TMPRSS11E: variants seen among roughly 807,000 people sequenced by gnomAD.
TMPRSS11E encodes transmembrane protease serine 11E.
In TMPRSS11E, 38 loss-of-function variants were observed where a neutral mutation model predicts 48.1. That is an observed-to-expected ratio of 0.79 (90% CI 0.61 to 1.04). TMPRSS11E has a LOEUF of 1.04. Ranked by LOEUF, TMPRSS11E falls within the 50% of genes least tolerant of loss-of-function variation. The pLI, the probability that TMPRSS11E is intolerant of heterozygous loss-of-function variation, is 0.00. For synonymous variants in TMPRSS11E, 158 were observed against 171.9 expected (o/e 0.92, Z 0.63); for missense variants, 530 against 510.8 (o/e 1.04, Z -0.36).
At chr4:68,473,669 T>C (rs778832052) in intron 5 of TMPRSS11E, among the ~76,000 whole-genome samples, 1 of 152,040 alleles carries the variant, frequency 6.6e-6, no homozygotes. Flanking sequence ...CACAAGGCCA[T>C]TGTGAGTGTG....
At chr4:68,450,898 G>A (rs1182295356) in intron 1 of TMPRSS11E, among the ~76,000 whole-genome samples, 1 of 151,936 alleles carries the variant, frequency 6.6e-6, no homozygotes, top group Admixed American at 6.6e-5. Context: ...ATATTTCATG[G>A]AACTAATTCA....
At chr4:68,495,886 AGAGT>A (rs1190461657) in intron 9 of TMPRSS11E, among the ~76,000 whole-genome samples, 3 of 152,290 alleles carry the variant, frequency 2.0e-5, no homozygotes, top group Middle Eastern at 3.4e-3. Context: ...AGAACTTCAT[AGAGT>A]GAGTATGAAT....
intron 1 of TMPRSS11E, among the ~76,000 whole-genome samples, chr4:68,458,576 A>G (rs1260444634): frequency 6.6e-6 from 1 of 152,198 alleles, no homozygotes; most frequent in Non-Finnish European, 1.5e-5. Context: ...GGAGGAGGTT[A>G]ATTATACAAA....
chr4:68,471,497 A>G lies in TMPRSS11E; in HGVS notation c.364A>G (p.Ile122Val). The G allele has an allele frequency of 6.3e-7, 1 of 1,594,654 alleles. No individual in the cohort carries two copies. Among genetic ancestry groups the G allele is most frequent in the Non-Finnish European group, 8.5e-7 (1 of 1,172,760 alleles). ...KHGVLAHMLLICRFHSTEDPE... is the reference protein window; with the variant it reads ...KHGVLAHMLLVCRFHSTEDPE... ...TGGAGTGTTGGCTCATATGCTGTTG[A>G]TTTGTAGATTTCACTCTACTGAGGA... Residue 122 changes from isoleucine (I) to valine (V), a missense_variant, in exon 5 of 10, where the codon ATT (isoleucine) becomes GTT (valine). Coordinates refer to ENST00000305363, the MANE Select transcript of TMPRSS11E (RefSeq NM_014058.4).
chr4:68,489,496 TG>T (rs2109718592), intron 9 of TMPRSS11E, among the ~76,000 whole-genome samples: 1 of 152,098 alleles, frequency 6.6e-6, no homozygotes, highest in African/African-American at 2.4e-5. Context: ...GTGCTGGTGG[TG>T]GGGCAGTGAT....
At chr4:68,474,870 G>C in intron 6 of TMPRSS11E, 109 bp downstream of exon 6, 2 of 890,088 alleles carry the variant, frequency 2.2e-6, no homozygotes, top group Non-Finnish European at 3.5e-6. Flanking sequence ...AACACATAAA[G>C]TTTGATTAAT....
intron 9 of TMPRSS11E, among the ~76,000 whole-genome samples, chr4:68,490,226 T>C (rs1460351492): frequency 6.6e-6 from 1 of 152,198 alleles, no homozygotes; most frequent in Non-Finnish European, 1.5e-5. Flanking sequence ...CAATGCCTTC[T>C]TTCTGAAAAT....
intron 5 of TMPRSS11E, 119 bp downstream of exon 5, chr4:68,471,742 A>G: frequency 4.6e-6 from 3 of 655,496 alleles, no homozygotes; most frequent in East Asian, 6.2e-5. Flanking sequence ...CACCAACAGT[A>G]TATTTCTTTG....
intron 1 of TMPRSS11E, among the ~76,000 whole-genome samples, chr4:68,449,884 A>G (rs772998063): frequency 2.0e-5 from 3 of 151,948 alleles, no homozygotes; most frequent in Non-Finnish European, 2.9e-5. Flanking sequence ...AAGAGTACTC[A>G]TTTATGCAAC....
Position 68,496,734 on chromosome 4 carries a change from C to A in TMPRSS11E, c.1202C>A (p.Pro401His). 1 of 1,613,590 alleles carries A rather than the reference C, an allele frequency of 6.2e-7. No individual in the cohort carries two copies. The highest frequency in any genetic ancestry group is 8.5e-7 in the Non-Finnish European group (1 of 1,179,628). ...IVSWGDECAKPNKPGVYTRVT... is the reference protein window; with the variant it reads ...IVSWGDECAKHNKPGVYTRVT... ...AGCTGGGGAGATGAATGTGCGAAAC[C>A]CAACAAGCCTGGTGTTTATACTAGA... is the stretch of plus-strand genomic sequence containing the variant. The change falls in exon 10 of 10, where the codon CCC (proline) becomes CAC (histidine). Residue 401 changes from proline to histidine, a missense_variant. Physicochemically the swap from Pro to His is moderately conservative, Grantham distance 77 (BLOSUM62 -2). Transcript: ENST00000305363.
At chr4:68,490,039 C>T (rs1729672401) in intron 9 of TMPRSS11E, among the ~76,000 whole-genome samples, 1 of 152,204 alleles carries the variant, frequency 6.6e-6, no homozygotes, top group Admixed American at 6.5e-5. Context: ...GGGTCTCCTG[C>T]AGCTAAGATT....
intron 1 of TMPRSS11E, among the ~76,000 whole-genome samples, chr4:68,456,624 C>A (rs929073069): frequency 6.6e-6 from 1 of 151,960 alleles, no homozygotes; most frequent in East Asian, 1.9e-4. Flanking sequence ...TAAAACACAT[C>A]TCAAATACTT....
intron 1 of TMPRSS11E, among the ~76,000 whole-genome samples, chr4:68,459,356 T>C (rs929106922): frequency 1.1e-4 from 16 of 152,218 alleles, no homozygotes; most frequent in African/African-American, 3.9e-4. Flanking sequence ...TCGCTCTCTT[T>C]TTTTTAATTC....
At chr4:68,467,887 C>A (rs1301870652) in intron 3 of TMPRSS11E, among the ~76,000 whole-genome samples, 2 of 152,066 alleles carry the variant, frequency 1.3e-5, no homozygotes, top group African/African-American at 4.8e-5. Flanking sequence ...GTTCTTTGTG[C>A]CATTCATTCA....
At chr4:68,484,065 T>A (rs2109710198) in intron 9 of TMPRSS11E, among the ~76,000 whole-genome samples, 1 of 152,340 alleles carries the variant, frequency 6.6e-6, no homozygotes, top group South Asian at 2.1e-4. Flanking sequence ...TGAAGTCTGG[T>A]AGTGTGATGC....
At chr4:68,475,376 T>A (rs144030179) in intron 6 of TMPRSS11E, among the ~76,000 whole-genome samples, 5,639 of 152,228 alleles carry the variant, frequency 0.037, 353 homozygotes, top group African/African-American at 0.13. Context: ...ATTCAATAGT[T>A]ATGGGGTTGT....
At chr4:68,469,049 C>A in intron 4 of TMPRSS11E, 103 bp downstream of exon 4, 2 of 955,512 alleles carry the variant, frequency 2.1e-6, no homozygotes, top group South Asian at 1.4e-5. Flanking sequence ...TTCAATCCAA[C>A]AAACATTTGA....
chr4:68,485,065 T>C (rs548624056), intron 9 of TMPRSS11E, among the ~76,000 whole-genome samples: 16 of 152,336 alleles, frequency 1.1e-4, no homozygotes, highest in South Asian at 4.1e-4. Context: ...CCATTCATTA[T>C]GATGTTGGTT....
chr4:68,494,351 T>C (rs1729811751), intron 9 of TMPRSS11E, among the ~76,000 whole-genome samples: 1 of 152,236 alleles, frequency 6.6e-6, no homozygotes, highest in Non-Finnish European at 1.5e-5. Flanking sequence ...TTTTTAAGTT[T>C]CTCGCTCATA....
Sources: allele counts gnomAD v4.1 joint callset (sites outside exome capture counted in the v4.1 genomes callset), GRCh38; gene constraint gnomAD v4.1.1; transcripts MANE v1.5; gene names NCBI Gene and HGNC (gene_info 2026-07-23, HGNC 2026-07-21).